Variants in ATP9B observed in about 807,000 individuals in gnomAD.
The protein encoded by ATP9B is ATPase phospholipid transporting 9B.
A neutral mutation model predicts 146.1 loss-of-function variants in ATP9B; 110 were observed. The observed-to-expected ratio is 0.75, with a 90% CI of 0.65 to 0.88. The LOEUF (loss-of-function observed/expected upper bound fraction) is 0.88. ATP9B is among the 40% of genes least tolerant of loss of function. The pLI is 0.00. For synonymous variants in ATP9B, 604 were observed against 569.7 expected, an observed-to-expected ratio of 1.06 and a Z score of -0.86; for missense variants, 1,499 against 1,496.4, an observed-to-expected ratio of 1.00 and a Z score of -0.03.
At chr18:79,076,740 G>C (rs544435023) in intron 1 of ATP9B, among the ~76,000 whole-genome samples, 2 of 152,144 alleles carry the variant, frequency 1.3e-5, no homozygotes, top group South Asian at 4.2e-4. Flanking sequence ...AGTGCTTTTT[G>C]AGCTCTACTC....
At chr18:79,258,213 T>C (rs566816591) in intron 12 of ATP9B, among the ~76,000 whole-genome samples, 3 of 152,222 alleles carry the variant, frequency 2.0e-5, no homozygotes, top group Admixed American at 2.0e-4. Context: ...ATAGCTTGAG[T>C]CCAGGAGTTA....
chr18:79,330,769 T>C (rs2147133973), intron 17 of ATP9B, among the ~76,000 whole-genome samples: 1 of 152,364 alleles, frequency 6.6e-6, no homozygotes, highest in East Asian at 1.9e-4. Flanking sequence ...TGAGTGCGTG[T>C]CAATCTATAC....
intron 12 of ATP9B, chr18:79,254,150 A>T (rs1445945561): frequency 6.6e-6 from 1 of 152,230 alleles, no homozygotes; most frequent in Non-Finnish European, 1.5e-5. Context: ...TATGATTTAA[A>T]ATTTTCATAG....
At chr18:79,091,307 A>G (rs1179207170) in intron 1 of ATP9B, among the ~76,000 whole-genome samples, 3 of 152,058 alleles carry the variant, frequency 2.0e-5, no homozygotes, top group African/African-American at 2.4e-5. Context: ...TGTTTTTTCT[A>G]TTTCTGTGAA....
At chr18:79,284,770 C>A (rs1235241104) in intron 13 of ATP9B, among the ~76,000 whole-genome samples, 1 of 148,778 alleles carries the variant, frequency 6.7e-6, no homozygotes, top group East Asian at 2.0e-4. Flanking sequence ...ATCCCTCCCC[C>A]CCACCCCACC....
intron 12 of ATP9B, among the ~76,000 whole-genome samples, chr18:79,270,316 GTGTC>G (rs1262423205): frequency 1.3e-5 from 2 of 152,058 alleles, no homozygotes; most frequent in Non-Finnish European, 2.9e-5. Flanking sequence ...GTGTGTGTGT[GTGTC>G]TGTGTGTGTG....
intron 11 of ATP9B, among the ~76,000 whole-genome samples, chr18:79,248,581 GTGTTTTTCTGTACGTAGTCAGCCA>G (rs1007227739): frequency 1.4e-4 from 22 of 152,308 alleles, no homozygotes; most frequent in African/African-American, 5.3e-4. Flanking sequence ...GTTAACAGTT[GTGTTTTTCTGTACGTAGTCAGCCA>G]TGTACAAAGC....
At chr18:79,190,074 C>T (rs2095349379) in intron 8 of ATP9B, among the ~76,000 whole-genome samples, 1 of 152,126 alleles carries the variant, frequency 6.6e-6, no homozygotes, top group African/African-American at 2.4e-5. Context: ...GACACGATTC[C>T]GGGAGCACAG....
chr18:79,361,219 G>A (rs1391967081), intron 26 of ATP9B: 1 of 152,126 alleles, frequency 6.6e-6, no homozygotes, highest in Non-Finnish European at 1.5e-5. Flanking sequence ...ATTGGAGTGG[G>A]GCAGTAACAC....
At chr18:79,364,364 A>G (rs1051156788) in intron 26 of ATP9B, 1 of 152,244 alleles carries the variant, frequency 6.6e-6, no homozygotes, top group East Asian at 1.9e-4. Context: ...TCAGTTAGAC[A>G]ATGTGTTATT....
chr18:79,085,685 G>A (rs946014325), intron 1 of ATP9B: 2 of 152,180 alleles, frequency 1.3e-5, no homozygotes, highest in Non-Finnish European at 2.9e-5. Flanking sequence ...ATGACATTGA[G>A]CATTATTGTT....
At chr18:79,238,190 G>C (rs1311645835) in intron 11 of ATP9B, among the ~76,000 whole-genome samples, 3 of 151,316 alleles carry the variant, frequency 2.0e-5, no homozygotes, top group African/African-American at 7.3e-5. Context: ...ATCCTAATCA[G>C]ATGTTGAGTA....
intron 6 of ATP9B, among the ~76,000 whole-genome samples, chr18:79,154,110 C>G (rs567386036): frequency 6.8e-6 from 1 of 147,706 alleles, no homozygotes; most frequent in South Asian, 2.2e-4. Context: ...CCTGCCACCA[C>G]GCCCAGCTAA....
chr18:79,126,836 C>G (rs984985007), intron 5 of ATP9B, among the ~76,000 whole-genome samples: 5 of 152,216 alleles, frequency 3.3e-5, no homozygotes, highest in East Asian at 3.8e-4. Context: ...ATAACTGATG[C>G]AAGCACACTT....
intron 4 of ATP9B, among the ~76,000 whole-genome samples, chr18:79,124,462 A>G (rs1046890023): frequency 6.6e-6 from 1 of 152,284 alleles, no homozygotes; most frequent in Non-Finnish European, 1.5e-5. Flanking sequence ...TACATGGCAC[A>G]TGCCGTGCCA....
chr18:79,200,764 T>C (rs78482273), intron 9 of ATP9B, among the ~76,000 whole-genome samples: 1 of 3,874 alleles, frequency 2.6e-4, no homozygotes, highest in African/African-American at 9.4e-4. Context: ...GGTGGGAACG[T>C]TGGGGTCAGA....
rs2094544167 is a variant in ATP9B, at chr18:79,143,835, T to C, written c.701T>C (p.Val234Ala). Residue 234 changes from valine (V) to alanine (A), a missense_variant, in exon 6 of 30, where the codon GTT becomes GCT. Physicochemically the swap from Val to Ala is moderately conservative, Grantham distance 64. Coordinates refer to ENST00000426216, the MANE Select transcript of ATP9B (RefSeq NM_198531.5). ...KVQVKSSDIQ[V>A]GDLIIVEKNQ... Reference sequence around the variant, plus strand: ...CAAGTTAAGAGTTCAGACATACAAGTTGGAGACCTCATCATAGTGGAAAAG... The same window carrying C: ...CAAGTTAAGAGTTCAGACATACAAGCTGGAGACCTCATCATAGTGGAAAAG... 1.9e-6 allele frequency: 3 copies of C among 1,588,972 alleles called. No homozygotes were observed. The South Asian group carries it at 3.5e-5, about 19-fold the overall frequency.
chr18:79,123,775 A>G (rs1025304496), intron 4 of ATP9B, among the ~76,000 whole-genome samples: 16 of 152,184 alleles, frequency 1.1e-4, no homozygotes, highest in African/African-American at 3.9e-4. Flanking sequence ...AATTTATAAC[A>G]CATTGATTTT....
At chr18:79,246,350 G>A (rs562447124) in intron 11 of ATP9B, among the ~76,000 whole-genome samples, 1 of 150,202 alleles carries the variant, frequency 6.7e-6, no homozygotes, top group Non-Finnish European at 1.5e-5. Context: ...TGTGCGGAGG[G>A]CACCGCCCTA....
Sources: gnomAD v4.1 joint callset for allele counts (sites outside exome capture counted in the v4.1 genomes callset) on GRCh38, gnomAD v4.1.1 for gene constraint, MANE v1.5 for transcripts, NCBI Gene and HGNC (gene_info 2026-07-23, HGNC 2026-07-21) for gene names.